The following PCLO variants were observed in gnomAD, a reference collection of about 807,000 sequenced individuals.
PCLO encodes piccolo presynaptic cytomatrix protein.
A neutral mutation model predicts 427.5 loss-of-function variants in PCLO; 82 were observed. The ratio of observed to expected loss-of-function variants is 0.19; its 90% confidence interval spans 0.16 to 0.23. The LOEUF is 0.23. Ranked by LOEUF, PCLO falls within the 10% of genes least tolerant of loss-of-function variation. The pLI, the probability that PCLO is intolerant of heterozygous loss-of-function variation, is 1.00. For synonymous variants in PCLO, 2,357 were observed against 2,155.4 expected (o/e 1.09, Z -2.59); for missense variants, 6,239 against 6,115.9 (o/e 1.02, Z -0.67).
intron 20 of PCLO, among the ~76,000 whole-genome samples, chr7:82,815,958 G>A (rs893839466): frequency 4.6e-5 from 7 of 151,900 alleles, no homozygotes; most frequent in African/African-American, 1.7e-4. Flanking sequence ...TCAACACCCC[G>A]ATCAAAATTT....
chr7:82,840,838 T>A (rs549840028), intron 14 of PCLO, among the ~76,000 whole-genome samples: 1 of 152,118 alleles, frequency 6.6e-6, no homozygotes, highest in Non-Finnish European at 1.5e-5. Flanking sequence ...TCTAAATTAC[T>A]TCTTGGTATC....
At chr7:83,060,266 C>T (rs1161365044) in intron 3 of PCLO, among the ~76,000 whole-genome samples, 3 of 152,168 alleles carry the variant, frequency 2.0e-5, no homozygotes, top group African/African-American at 7.2e-5. Context: ...TACATGCTTC[C>T]TGGAATCAAA....
chr7:83,147,522 C>T (rs957276101), intron 2 of PCLO, among the ~76,000 whole-genome samples: 3 of 152,018 alleles, frequency 2.0e-5, no homozygotes, highest in African/African-American at 4.8e-5. Flanking sequence ...ATGGCTGTGA[C>T]AAGCAAAGAA....
chr7:82,770,216 T>C (rs1339277982), intron 22 of PCLO, among the ~76,000 whole-genome samples: 1 of 152,018 alleles, frequency 6.6e-6, no homozygotes, highest in Non-Finnish European at 1.5e-5. Flanking sequence ...TCAATAAGCA[T>C]TAATTCTTTT....
chr7:83,144,505 T>C (rs1258718106), intron 2 of PCLO, among the ~76,000 whole-genome samples: 1 of 152,176 alleles, frequency 6.6e-6, no homozygotes, highest in Non-Finnish European at 1.5e-5. Flanking sequence ...TTTAGCCTAT[T>C]TTAGCTCTCT....
chr7:82,934,529 C>T (rs1295340832), intron 6 of PCLO, among the ~76,000 whole-genome samples: 2 of 151,634 alleles, frequency 1.3e-5, no homozygotes, highest in African/African-American at 4.8e-5. Flanking sequence ...ATGATAATTG[C>T]TTTCTTAAAT....
intron 3 of PCLO, among the ~76,000 whole-genome samples, chr7:82,982,521 C>T (rs1385931109): frequency 1.5e-4 from 23 of 152,032 alleles, no homozygotes; most frequent in Admixed American, 1.4e-3. Flanking sequence ...TTTGCTCTCC[C>T]TCATCTCCTA....
Position 82,966,184 on chromosome 7 carries a change from T to C in PCLO, c.3604A>G (p.Lys1202Glu). The change falls in exon 4 of 25, where the codon AAA becomes GAA. Residue 1202 changes from lysine to glutamate, a missense_variant. Physicochemically the swap from Lys to Glu is moderately conservative, Grantham distance 56 (BLOSUM62 1). This residue lies in a region of PCLO where 4,677 missense variants were observed against 4,468.4 expected (regional missense o/e 1.05). Coordinates refer to ENST00000333891, the MANE Select transcript of PCLO (RefSeq NM_033026.6). ...TCTTGAAGAGCTGAAGCTTTGTCTT[T>C]CTCTAGTTTACTCTCTTCTTGTTTT... ...DQKQEESKLE[K>E]DKASALQEKK... is the part of the protein sequence containing the mutation. 1 of 1,611,410 alleles carries C rather than the reference T, an allele frequency of 6.2e-7. No homozygotes were observed. Among genetic ancestry groups the C allele is most frequent in the Non-Finnish European group, 8.5e-7 (1 of 1,179,332 alleles).
Position 83,154,892 on chromosome 7 carries a change from G to A in PCLO, c.1749C>T (p.Gly583=). The A allele has an allele frequency of 1.2e-6, 2 of 1,614,052 alleles. No homozygotes were observed. Among genetic ancestry groups the A allele is most frequent in the Non-Finnish European group, 1.7e-6 (2 of 1,179,898 alleles). ...AAAGAGGACAGATGGTTTTAGGGAG[G>A]CCTTGTGAAGGAGGCTGTTTTGCAG... is the stretch of plus-strand genomic sequence containing the variant. The part of the protein sequence containing the change: ...SPSAKQPPSQ[G]LPKTICPLCN... The change falls in exon 2 of 25, where the codon GGC becomes GGT. Residue 583 remains glycine, a synonymous_variant. Transcript: ENST00000333891.
Position 83,093,487 on chromosome 7 carries a change from T to C in PCLO, c.3300+40763A>G, listed in dbSNP as rs529777834. 1.1e-3 allele frequency among the ~76,000 whole-genome samples: 110 copies of C among 104,562 alleles called. 13 individuals carry two copies. Among genetic ancestry groups the C allele is most frequent in the Non-Finnish European group, 1.5e-3 (82 of 55,074 alleles). The allele number at this position is 104,562 out of a possible 152,430, so 68.6% of individuals were successfully genotyped here. A position where few individuals can be genotyped will look rare whatever the true frequency, so the allele number is the denominator to read the frequency against. ...ATGTGTGTGTGTATAGATATATATA[T>C]ATATATTTTTTTTTTTTTTTTTTGA... On this transcript the variant is annotated intron_variant, in intron 3 of 24. Transcript: ENST00000333891.
intron 3 of PCLO, among the ~76,000 whole-genome samples, chr7:82,969,769 AGCAT>A (rs1331830210): frequency 5.3e-5 from 8 of 152,140 alleles, no homozygotes; most frequent in African/African-American, 1.7e-4. Flanking sequence ...GAAGAAATAA[AGCAT>A]GGGTGAAAAT....
intron 10 of PCLO, among the ~76,000 whole-genome samples, chr7:82,866,058 C>T (rs1399575672): frequency 2.0e-5 from 3 of 152,170 alleles, no homozygotes; most frequent in African/African-American, 4.8e-5. Flanking sequence ...GTTTCAGCCA[C>T]GTTGGCTTCC....
At chr7:83,012,905 C>T (rs1248298821) in intron 3 of PCLO, among the ~76,000 whole-genome samples, 6 of 152,072 alleles carry the variant, frequency 3.9e-5, no homozygotes, top group East Asian at 1.9e-4. Flanking sequence ...ATATAACTTA[C>T]GAGATACTGA....
chr7:82,857,052 C>T (rs1233207872), intron 10 of PCLO, among the ~76,000 whole-genome samples: 1 of 152,118 alleles, frequency 6.6e-6, no homozygotes, highest in East Asian at 1.9e-4. Context: ...CAAGAAGGTC[C>T]TCTCAAGATG....
chr7:82,891,424 G>T (rs1239672716), intron 9 of PCLO, among the ~76,000 whole-genome samples: 1 of 152,102 alleles, frequency 6.6e-6, no homozygotes, highest in Admixed American at 6.6e-5. Flanking sequence ...ATCAGCTTAA[G>T]GAGATTTTGG....
chr7:82,806,362 T>C (rs1791457408), intron 20 of PCLO, among the ~76,000 whole-genome samples: 1 of 152,208 alleles, frequency 6.6e-6, no homozygotes, highest in South Asian at 2.1e-4. Flanking sequence ...CTCTGCCTAC[T>C]ATCTCCAGCA....
chr7:83,085,728 CT>C (rs147756220), intron 3 of PCLO, among the ~76,000 whole-genome samples: 3,627 of 152,102 alleles, frequency 0.024, 152 homozygotes, highest in African/African-American at 0.083. Context: ...ACTGAGAATA[CT>C]TTAAAAAAAC....
intron 3 of PCLO, among the ~76,000 whole-genome samples, chr7:83,016,645 T>C (rs1043703261): frequency 2.6e-5 from 4 of 152,118 alleles, no homozygotes; most frequent in East Asian, 1.9e-4. Context: ...CTCATGAATA[T>C]AGAAGTCACC....
In PCLO at chr7:83,127,754, G is replaced by A. The variant is rs184713181; in HGVS notation, c.3300+6496C>T. On this transcript the variant is annotated intron_variant, in intron 3 of 24. Transcript: ENST00000333891. ...ACTCAAGAGTTCTGAAAAGAACAGA[G>A]GAATCATTTGGAACCAGAGAGGTCA... 3.9e-5 allele frequency among the ~76,000 whole-genome samples: 6 copies of A among 152,120 alleles called. No homozygotes were observed. In the East Asian group the frequency reaches 1.2e-3, roughly 29 times the overall value.
Sources: gnomAD v4.1 joint callset for allele counts (sites outside exome capture counted in the v4.1 genomes callset) on GRCh38, gnomAD v4.1.1 for gene constraint, gnomAD v4.1.1 regional missense constraint, MANE v1.5 for transcripts, NCBI Gene and HGNC (gene_info 2026-07-23, HGNC 2026-07-21) for gene names.